LAMA3: variants seen among roughly 807,000 people sequenced by gnomAD.
LAMA3 encodes the protein laminin subunit alpha 3, also known as laminin subunit alpha-3.
LAMA3 carries 281 observed loss-of-function variants against 402.0 expected under a neutral mutation model. The ratio of observed to expected loss-of-function variants is 0.70; its 90% CI spans 0.63 to 0.77. The LOEUF is 0.77. LAMA3 is among the 30% of genes least tolerant of loss of function. The pLI, the probability that LAMA3 is intolerant of heterozygous loss-of-function variation, is 0.00. For synonymous variants in LAMA3, 1,431 were observed against 1,558.4 expected, an observed-to-expected ratio of 0.92 and a Z score of 1.93; for missense variants, 3,840 against 4,215.5, an observed-to-expected ratio of 0.91 and a Z score of 2.47.
chr18:23,946,157 A>G lies in LAMA3; in HGVS notation c.9224A>G (p.His3075Arg). ...DGKWHTVVFG[H>R]DGEKGRLVVD... Reference sequence around the variant, plus strand: ...CTTACTCTGAAGGTGGTGTTTGGCCATGATGGGGAAAAGGGGCGCTTGGTT... The same window carrying G: ...CTTACTCTGAAGGTGGTGTTTGGCCGTGATGGGGAAAAGGGGCGCTTGGTT... The change falls in exon 70 of 75, where the codon CAT (histidine) becomes CGT (arginine). Residue 3075 changes from histidine (H) to arginine (R), a missense_variant. By Grantham distance (29) the His-to-Arg change is conservative. Coordinates refer to ENST00000313654, the MANE Select transcript of LAMA3 (RefSeq NM_198129.4). 1 of 1,614,114 alleles carries G rather than the reference A, an allele frequency of 6.2e-7. No individual in the cohort carries two copies. The highest frequency in any genetic ancestry group is 1.1e-5 in the South Asian group (1 of 91,082).
chr18:23,739,441 C>G (rs2061527895), intron 2 of LAMA3, among the ~76,000 whole-genome samples: 1 of 152,152 alleles, frequency 6.6e-6, no homozygotes, highest in Non-Finnish European at 1.5e-5. Context: ...TCGTTATGCC[C>G]TTTAGAAATG....
At chr18:23,887,756 A>T (rs1312344643) in intron 41 of LAMA3, among the ~76,000 whole-genome samples, 1 of 152,194 alleles carries the variant, frequency 6.6e-6, no homozygotes, top group African/African-American at 2.4e-5. Flanking sequence ...AGGGTTTCGC[A>T]AAGGCTTTCC....
At chr18:23,844,058 G>A (rs576075747) in intron 29 of LAMA3, among the ~76,000 whole-genome samples, 18 of 152,282 alleles carry the variant, frequency 1.2e-4, no homozygotes, top group East Asian at 5.8e-4. Flanking sequence ...TGAGGAAGTC[G>A]TCTTCCCAGG....
At position 23,867,828 on chromosome 18, in the gene LAMA3, A is replaced by T. The variant is rs747912379; in HGVS notation, c.4684-6A>T. On this transcript the variant is annotated splice_polypyrimidine_tract_variant and splice_region_variant and intron_variant, in intron 36 of 74. Coordinates refer to ENST00000313654, the MANE Select transcript of LAMA3 (RefSeq NM_198129.4). ...TACTAACACATTCATGGTTTTCTTT[A>T]AACAGGGTCAGCACATGTCCATCAT... 6.2e-7 allele frequency: 1 copy of T among 1,612,566 alleles called. No homozygotes were observed. Among genetic ancestry groups the T allele is most frequent in the South Asian group, 1.1e-5 (1 of 91,058 alleles).
chr18:23,827,437 C>G lies in LAMA3; in HGVS notation c.2793C>G (p.His931Gln). ...CAGTGAGGCAGCCCACACCTGCACA[C>G]CCTGTCATGGTGGACCTCAGCGGGA... ...PVAVRQPTPAHPVMVDLSGRE... is the reference protein window; with the variant it reads ...PVAVRQPTPAQPVMVDLSGRE... The change falls in exon 23 of 75, where the codon CAC becomes CAG. Residue 931 changes from histidine (H) to glutamine (Q), a missense_variant. His to Gln is a conservative substitution (Grantham distance 24). Coordinates refer to ENST00000313654, the MANE Select transcript of LAMA3 (RefSeq NM_198129.4). 6.2e-7 allele frequency: 1 copy of G among 1,614,152 alleles called. No individual in the cohort carries two copies. Among genetic ancestry groups the G allele is most frequent in the Non-Finnish European group, 8.5e-7 (1 of 1,180,042 alleles).
chr18:23,880,296 G>A (rs1467728802), intron 39 of LAMA3, among the ~76,000 whole-genome samples: 1 of 152,186 alleles, frequency 6.6e-6, no homozygotes, highest in Non-Finnish European at 1.5e-5. Flanking sequence ...ATGTGAACAC[G>A]TGAGCAGCAT....
At position 23,899,272 on chromosome 18, in the gene LAMA3, A is replaced by G; in HGVS notation, c.5837-16A>G. On this transcript the variant is annotated splice_polypyrimidine_tract_variant and intron_variant, in intron 46 of 74. Coordinates refer to ENST00000313654, the MANE Select transcript of LAMA3 (RefSeq NM_198129.4). ...CCCAGAATTCCCAGTCTAATAGACC[A>G]CTTGATGTTTCCTAGTTCTTTTAAA... The G allele has an allele frequency of 6.2e-6, 10 of 1,612,026 alleles. No individual in the cohort carries two copies. Among genetic ancestry groups the G allele is most frequent in the Non-Finnish European group, 8.5e-6 (10 of 1,178,734 alleles).
chr18:23,930,772 A>C (rs931779087), intron 64 of LAMA3, among the ~76,000 whole-genome samples: 4 of 152,170 alleles, frequency 2.6e-5, no homozygotes, highest in African/African-American at 9.7e-5. Flanking sequence ...AAATGATTTA[A>C]CTGTTTTGTA....
chr18:23,946,368 A>C, intron 70 of LAMA3, 84 bp downstream of exon 70: 1 of 1,351,224 alleles, frequency 7.4e-7, no homozygotes, highest in South Asian at 1.2e-5. Flanking sequence ...CAAAATACTC[A>C]CCATATGAGA....
At chr18:23,945,127 T>C (rs2082663251) in intron 69 of LAMA3, among the ~76,000 whole-genome samples, 1 of 152,106 alleles carries the variant, frequency 6.6e-6, no homozygotes, top group South Asian at 2.1e-4. Flanking sequence ...AGCAAGACTC[T>C]GTCAAAAAAA....
At chr18:23,760,299 A>G (rs1598736980) in intron 7 of LAMA3, among the ~76,000 whole-genome samples, 1 of 152,226 alleles carries the variant, frequency 6.6e-6, no homozygotes, top group Non-Finnish European at 1.5e-5. Flanking sequence ...ACAATTCAAA[A>G]TAAACAGACT....
At chr18:23,906,146 G>A (rs1378551746) in intron 52 of LAMA3, among the ~76,000 whole-genome samples, 3 of 152,080 alleles carry the variant, frequency 2.0e-5, no homozygotes, top group African/African-American at 7.2e-5. Flanking sequence ...CACCTATCAT[G>A]TACAAAATTA....
intron 34 of LAMA3, among the ~76,000 whole-genome samples, chr18:23,861,285 A>ATTT (rs1427459484): frequency 6.6e-6 from 1 of 151,992 alleles, no homozygotes; most frequent in African/African-American, 2.4e-5. Flanking sequence ...TCCACATCAC[A>ATTT]TTTTTCTTTA....
intron 12 of LAMA3, among the ~76,000 whole-genome samples, chr18:23,787,757 A>G (rs1218559764): frequency 1.3e-5 from 2 of 152,152 alleles, no homozygotes; most frequent in African/African-American, 2.4e-5. Context: ...CTAAGTAAAG[A>G]CTTTCTCAGA....
chr18:23,857,826 CCTTTA>C lies in LAMA3; in HGVS notation c.4137-13_4137-9del. On this transcript the variant is annotated splice_polypyrimidine_tract_variant and intron_variant, in intron 32 of 74. Coordinates refer to ENST00000313654, the MANE Select transcript of LAMA3 (RefSeq NM_198129.4). ...TGTACAAAGATGATGATTTTTGCTT[CCTTTA>C]CTTTGTGTACAGATGCAAGCCCAGA... is the stretch of plus-strand genomic sequence containing the variant. The C allele has an allele frequency of 6.2e-7, 1 of 1,614,212 alleles. No individual in the cohort carries two copies. Among genetic ancestry groups the C allele is most frequent in the East Asian group, 2.2e-5 (1 of 44,888 alleles).
intron 1 of LAMA3, among the ~76,000 whole-genome samples, chr18:23,697,301 G>T (rs912272574): frequency 6.6e-6 from 1 of 152,184 alleles, no homozygotes; most frequent in East Asian, 1.9e-4. Flanking sequence ...GAGGCCTCAT[G>T]GGGGAAAGCT....
chr18:23,928,598 G>C, intron 63 of LAMA3, 27 bp from the exon 64 acceptor site: 1 of 1,611,692 alleles, frequency 6.2e-7, no homozygotes, highest in Admixed American at 1.7e-5. Context: ...TACAATGCCA[G>C]TAATTTATTC....
At chr18:23,937,404 C>T (rs908085691) in intron 67 of LAMA3, among the ~76,000 whole-genome samples, 1 of 140,262 alleles carries the variant, frequency 7.1e-6, no homozygotes, top group East Asian at 2.2e-4. Flanking sequence ...AAAAAGAGGG[C>T]TGACTTTCAG....
chr18:23,733,375 C>T (rs773201042), intron 2 of LAMA3, among the ~76,000 whole-genome samples: 1 of 152,182 alleles, frequency 6.6e-6, no homozygotes, highest in Non-Finnish European at 1.5e-5. Context: ...ACCTCACAAT[C>T]ATGGCAGAAG....
Sources: gnomAD v4.1 joint callset for allele counts (sites outside exome capture counted in the v4.1 genomes callset) on GRCh38, gnomAD v4.1.1 for gene constraint, MANE v1.5 for transcripts, NCBI Gene and HGNC (gene_info 2026-07-23, HGNC 2026-07-21) for gene names.